Variants in MIS18A observed in about 807,000 individuals in gnomAD.
The protein encoded by MIS18A is MIS18 kinetochore protein A, also known as protein Mis18-alpha.
A neutral mutation model predicts 25.0 loss-of-function variants in MIS18A; 14 were observed. That is an observed-to-expected ratio of 0.56 (90% CI 0.37 to 0.88). The LOEUF is 0.88. Ranked by LOEUF, MIS18A falls within the 40% of genes least tolerant of loss-of-function variation. MIS18A has a pLI of 0.00. For synonymous variants in MIS18A, 134 were observed against 118.6 expected (o/e 1.13, Z -0.84); for missense variants, 292 against 290.8 (o/e 1.00, Z -0.03).
the MIS18A span, among the ~76,000 whole-genome samples, chr21:32,234,785 G>T: frequency 6.6e-6 from 1 of 152,130 alleles, no homozygotes; most frequent in Admixed American, 6.5e-5. Context: ...CCAGCAGATG[G>T]CCGGCACCAC....
the MIS18A span, chr21:32,260,567 G>A: frequency 6.5e-6 from 1 of 152,726 alleles, no homozygotes; most frequent in Non-Finnish European, 1.5e-5. Context: ...GAGAGAGAAA[G>A]GAGGGCAAAG....
chr21:32,193,518 A>AGATAGATG, the MIS18A span, among the ~76,000 whole-genome samples: 1 of 96,816 alleles, frequency 1.0e-5, no homozygotes, highest in Non-Finnish European at 2.3e-5. Context: ...ATAGATAGAT[A>AGATAGATG]GATGGATAGA....
the MIS18A span, among the ~76,000 whole-genome samples, chr21:32,209,065 G>C: frequency 2.0e-5 from 3 of 152,158 alleles, no homozygotes; most frequent in South Asian, 6.2e-4. Flanking sequence ...ATTTATGTAA[G>C]GAAGTCACCT....
the MIS18A span, among the ~76,000 whole-genome samples, chr21:32,241,001 A>G: frequency 6.6e-6 from 1 of 152,232 alleles, no homozygotes; most frequent in Non-Finnish European, 1.5e-5. Flanking sequence ...CTTTAAAGAA[A>G]GCAGCTGAAA....
chr21:32,209,508 G>A, the MIS18A span, among the ~76,000 whole-genome samples: 1 of 152,138 alleles, frequency 6.6e-6, no homozygotes, highest in Non-Finnish European at 1.5e-5. Context: ...AAAAGTAACT[G>A]CAGGTTTTGA....
At chr21:32,265,207 C>T (rs561811927), downstream of MIS18A, among the ~76,000 whole-genome samples, 155 of 152,340 alleles carry the variant, frequency 1.0e-3, no homozygotes, top group Non-Finnish European at 4.4e-4. Context: ...GGCACCTCCC[C>T]TGCCTGGGCT....
the MIS18A span, among the ~76,000 whole-genome samples, chr21:32,230,966 G>T: frequency 6.6e-6 from 1 of 152,010 alleles, no homozygotes; most frequent in Non-Finnish European, 1.5e-5. Flanking sequence ...TGGGCGCAGT[G>T]GCTCATGTCT....
chr21:32,274,177 T>C (rs1213245717), intron 2 of MIS18A, among the ~76,000 whole-genome samples: 2 of 150,572 alleles, frequency 1.3e-5, no homozygotes, highest in Non-Finnish European at 3.0e-5. Context: ...GATTTTATAA[T>C]ATAGGTATTT....
the MIS18A span, among the ~76,000 whole-genome samples, chr21:32,242,425 T>A: frequency 2.6e-5 from 4 of 152,182 alleles, no homozygotes; most frequent in Non-Finnish European, 4.4e-5. Flanking sequence ...TTTAATATAA[T>A]TATTTCATTT....
At chr21:32,195,554 A>G in the MIS18A span, among the ~76,000 whole-genome samples, 1 of 152,196 alleles carries the variant, frequency 6.6e-6, no homozygotes, top group African/African-American at 2.4e-5. Context: ...TAGGCACTTG[A>G]CCTGGACCAG....
chr21:32,271,816 G>T (rs182457722), intron 2 of MIS18A, among the ~76,000 whole-genome samples: 17 of 152,230 alleles, frequency 1.1e-4, no homozygotes, highest in African/African-American at 3.9e-4. Context: ...ACAGTGAACA[G>T]GTAAACCTCC....
At chr21:32,172,426 G>C in the MIS18A span, among the ~76,000 whole-genome samples, 8,016 of 152,046 alleles carry the variant, frequency 0.053, 277 homozygotes, top group South Asian at 0.084. Context: ...TAAAGAAACT[G>C]TGAATAATAT....
the MIS18A span, among the ~76,000 whole-genome samples, chr21:32,176,852 T>C: frequency 3.6e-3 from 545 of 151,820 alleles, 6 homozygotes; most frequent in African/African-American, 0.012. Context: ...CACAAAACTA[T>C]CCCAGAGAAT....
chr21:32,196,387 C>T, the MIS18A span, among the ~76,000 whole-genome samples: 1 of 152,086 alleles, frequency 6.6e-6, no homozygotes, highest in Admixed American at 6.6e-5. Context: ...TAGGTCTCAG[C>T]TCTCCTGGTT....
At chr21:32,272,451 A>G (rs569728344) in intron 2 of MIS18A, among the ~76,000 whole-genome samples, 1 of 152,336 alleles carries the variant, frequency 6.6e-6, no homozygotes, top group Non-Finnish European at 1.5e-5. Context: ...GGTGATACAA[A>G]CAGTATTAAT....
chr21:32,278,335 C>A, intron 1 of MIS18A: 1 of 303,430 alleles, frequency 3.3e-6, no homozygotes, highest in South Asian at 6.3e-5. Context: ...CTGGCTGCAC[C>A]TCAAGTGCTT....
chr21:32,208,506 G>A, the MIS18A span, among the ~76,000 whole-genome samples: 1 of 152,280 alleles, frequency 6.6e-6, no homozygotes, highest in Admixed American at 6.5e-5. Context: ...GGCTTTCCCA[G>A]AAGCTGAGCA....
the MIS18A span, among the ~76,000 whole-genome samples, chr21:32,200,457 G>A: frequency 1.1e-4 from 16 of 147,788 alleles, no homozygotes; most frequent in African/African-American, 2.5e-4. Flanking sequence ...TTTTTGAGAC[G>A]GAGTCTCACT....
At chr21:32,243,167 G>A in the MIS18A span, among the ~76,000 whole-genome samples, 1 of 152,118 alleles carries the variant, frequency 6.6e-6, no homozygotes, top group Non-Finnish European at 1.5e-5. Flanking sequence ...AAACACAGGA[G>A]AAAATCTTTG....
Sources: allele counts gnomAD v4.1 joint callset (sites outside exome capture counted in the v4.1 genomes callset), GRCh38; gene constraint gnomAD v4.1.1; transcripts MANE v1.5; gene names NCBI Gene and HGNC (gene_info 2026-07-23, HGNC 2026-07-21).